Variants in M1AP observed in about 807,000 individuals in gnomAD.
The protein encoded by M1AP is meiosis 1 associated protein.
In M1AP, 39 loss-of-function variants were observed where a neutral mutation model predicts 51.2. The ratio of observed to expected loss-of-function variants is 0.76; its 90% CI spans 0.59 to 1.00. The LOEUF is 1.00. M1AP is among the 50% of genes least tolerant of loss of function. M1AP has a pLI of 0.00. For missense variants in M1AP, 545 were observed against 641.2 expected, an observed-to-expected ratio of 0.85 and a Z score of 1.62; for synonymous variants, 251 against 249.2, an observed-to-expected ratio of 1.01 and a Z score of -0.07.
At chr2:74,611,518 A>T (rs980939683) in intron 3 of M1AP, among the ~76,000 whole-genome samples, 2 of 152,268 alleles carry the variant, frequency 1.3e-5, no homozygotes, top group South Asian at 2.1e-4. Context: ...TATCAGTTGT[A>T]ATGTCTCCTT....
chr2:74,564,380 C>T (rs1204230649), intron 7 of M1AP, among the ~76,000 whole-genome samples: 6 of 152,282 alleles, frequency 3.9e-5, no homozygotes, highest in African/African-American at 1.2e-4. Flanking sequence ...ACCATTCCTG[C>T]GGTTGCTGAC....
chr2:74,579,004 G>C (rs2104579610), intron 5 of M1AP, among the ~76,000 whole-genome samples: 2 of 152,254 alleles, frequency 1.3e-5, no homozygotes, highest in East Asian at 3.9e-4. Flanking sequence ...AATTTCCCCA[G>C]ACCTCATTCC....
At chr2:74,645,266 C>T (rs1371608217) in intron 1 of M1AP, among the ~76,000 whole-genome samples, 2 of 152,108 alleles carry the variant, frequency 1.3e-5, no homozygotes, top group East Asian at 1.9e-4. Context: ...CAGACACATC[C>T]GAACATCAGA....
At chr2:74,561,085 G>GAGGAGA (rs1558643524) in intron 8 of M1AP, among the ~76,000 whole-genome samples, 1 of 112,586 alleles carries the variant, frequency 8.9e-6, no homozygotes, top group Admixed American at 8.5e-5. Context: ...GGAGGAGGAG[G>GAGGAGA]AGGAGAAGGA....
chr2:74,591,481 T>C (rs1030013247), intron 4 of M1AP, among the ~76,000 whole-genome samples: 1 of 152,054 alleles, frequency 6.6e-6, no homozygotes, highest in Non-Finnish European at 1.5e-5. Flanking sequence ...AATGCAAAAT[T>C]GAAAAGCTGG....
At chr2:74,596,994 T>G (rs1251253658) in intron 4 of M1AP, among the ~76,000 whole-genome samples, 1 of 152,180 alleles carries the variant, frequency 6.6e-6, no homozygotes, top group Non-Finnish European at 1.5e-5. Flanking sequence ...AAATCTTTTT[T>G]GAGGATGAGG....
intron 2 of M1AP, among the ~76,000 whole-genome samples, chr2:74,634,287 C>T (rs1264906882): frequency 1.3e-5 from 2 of 152,126 alleles, no homozygotes; most frequent in African/African-American, 4.8e-5. Context: ...ACTATAGAGG[C>T]AATTTCATAA....
At chr2:74,585,541 C>A (rs768318251) in intron 4 of M1AP, among the ~76,000 whole-genome samples, 11 of 152,200 alleles carry the variant, frequency 7.2e-5, no homozygotes, top group Non-Finnish European at 1.5e-4. Context: ...TCCCTGTTGT[C>A]ACCCATCGAT....
chr2:74,622,543 C>CTTTTTT (rs534273779), intron 2 of M1AP, among the ~76,000 whole-genome samples: 11 of 117,302 alleles, frequency 9.4e-5, no homozygotes, highest in African/African-American at 3.2e-4. Context: ...CCATTGCCTG[C>CTTTTTT]TTTTTTTTTT....
rs1434523157 is a variant in M1AP, at chr2:74,561,065, A to G, written c.1282-774T>C. ...GGAGAAACAGGTGGAGGAGGAGGGG[A>G]GGAGGAGGAGGAGGAGGAGGAGGAG... On this transcript the variant is annotated intron_variant, in intron 8 of 10. Transcript: ENST00000421985. Among the ~76,000 whole-genome samples the G allele has an allele frequency of 2.0e-4, 25 of 125,816 alleles. 1 individual carries two copies. The East Asian group carries it at 6.4e-3, about 32-fold the overall frequency. The allele number at this position is 125,816 out of a possible 152,430, so 82.5% of individuals were successfully genotyped here.
intron 7 of M1AP, among the ~76,000 whole-genome samples, chr2:74,570,886 G>T (rs1678692557): frequency 6.6e-6 from 1 of 152,182 alleles, no homozygotes; most frequent in East Asian, 1.9e-4. Flanking sequence ...AGATTAATCT[G>T]TTGGCATTAT....
intron 2 of M1AP, among the ~76,000 whole-genome samples, chr2:74,631,711 G>A (rs1321137437): frequency 6.6e-6 from 1 of 152,056 alleles, no homozygotes; most frequent in African/African-American, 2.4e-5. Context: ...CCTGTTTTGA[G>A]GGGAAATGAA....
chr2:74,575,363 G>A, intron 7 of M1AP, 75 bp downstream of exon 7: 3 of 1,596,890 alleles, frequency 1.9e-6, no homozygotes, highest in Non-Finnish European at 2.6e-6. Flanking sequence ...ATTGGGCAGA[G>A]TTAGTTAGCT....
chr2:74,592,806 A>C (rs1680122925), intron 4 of M1AP, among the ~76,000 whole-genome samples: 2 of 152,186 alleles, frequency 1.3e-5, no homozygotes, highest in South Asian at 4.1e-4. Context: ...TCCCTGGTCC[A>C]TTTGGAATCT....
rs141036247 is a variant in M1AP at position 74,588,242 on chromosome 2, A to G, written c.596-6395T>C. ...GAAATTATATACAATTCATCTGTAC[A>G]TGCATAGATGTATTTTGGTGGGGTG... is the stretch of plus-strand genomic sequence containing the variant. On this transcript the variant is annotated intron_variant, in intron 4 of 10. Transcript: ENST00000421985. Among the ~76,000 whole-genome samples the G allele has an allele frequency of 5.9e-5, 9 of 152,322 alleles. No homozygotes were observed. The East Asian group carries it at 1.7e-3, about 29-fold the overall frequency.
At chr2:74,609,124 A>G (rs1681180637) in intron 3 of M1AP, among the ~76,000 whole-genome samples, 1 of 152,160 alleles carries the variant, frequency 6.6e-6, no homozygotes, top group African/African-American at 2.4e-5. Flanking sequence ...ACTGTTAACT[A>G]TAGTCATGCT....
intron 4 of M1AP, among the ~76,000 whole-genome samples, chr2:74,585,422 T>G (rs935922616): frequency 2.0e-5 from 3 of 152,202 alleles, no homozygotes; most frequent in African/African-American, 7.2e-5. Context: ...CTGGCAAAAT[T>G]AACTTTCTGA....
intron 4 of M1AP, among the ~76,000 whole-genome samples, chr2:74,590,602 C>T (rs1679985167): frequency 6.6e-6 from 1 of 152,038 alleles, no homozygotes; most frequent in Non-Finnish European, 1.5e-5. Flanking sequence ...GGGAGAGTAG[C>T]CTTTTTATAA....
chr2:74,637,678 G>C (rs1344299851), intron 2 of M1AP, among the ~76,000 whole-genome samples: 1 of 152,188 alleles, frequency 6.6e-6, no homozygotes, highest in East Asian at 1.9e-4. Flanking sequence ...ACTGAGGCAA[G>C]ATCTTTGTGA....
Sources: gnomAD v4.1 joint callset for allele counts (sites outside exome capture counted in the v4.1 genomes callset) on GRCh38, gnomAD v4.1.1 for gene constraint, MANE v1.5 for transcripts, NCBI Gene and HGNC (gene_info 2026-07-23, HGNC 2026-07-21) for gene names.